Variants in SPECC1 observed in about 807,000 individuals in gnomAD.
SPECC1 encodes sperm antigen with calponin homology and coiled-coil domains 1.
A neutral mutation model predicts 104.1 loss-of-function variants in SPECC1; 62 were observed. That is an observed-to-expected ratio of 0.60 (90% CI 0.49 to 0.74). SPECC1 has a LOEUF of 0.74. Among genes scored for constraint, SPECC1 ranks in the 30% least tolerant of loss-of-function variants. SPECC1 has a pLI of 0.00. For missense variants in SPECC1, 1,306 were observed against 1,310.5 expected (o/e 1.00, Z 0.05); for synonymous variants, 513 against 501.6 (o/e 1.02, Z -0.30).
At chr17:20,114,872 T>C (rs2152528460) in intron 3 of SPECC1, among the ~76,000 whole-genome samples, 1 of 152,342 alleles carries the variant, frequency 6.6e-6, no homozygotes, top group East Asian at 1.9e-4. Context: ...TTTCTTTGCT[T>C]TATTATTTTT....
At chr17:20,089,039 C>A (rs2047295340) in intron 1 of SPECC1, among the ~76,000 whole-genome samples, 1 of 152,190 alleles carries the variant, frequency 6.6e-6, no homozygotes, top group Non-Finnish European at 1.5e-5. Context: ...AATGAGTTTG[C>A]CTTGTTTATA....
intron 1 of SPECC1, among the ~76,000 whole-genome samples, chr17:20,019,379 G>A (rs1041130930): frequency 3.3e-5 from 5 of 152,010 alleles, no homozygotes; most frequent in African/African-American, 1.2e-4. Flanking sequence ...CCAGTCAGAT[G>A]GTCATGAATT....
rs759195244 is a variant in SPECC1, at chr17:20,204,542, G to A, written c.493G>A (p.Ala165Thr). 5 of 1,614,174 alleles carry A rather than the reference G, an allele frequency of 3.1e-6. No homozygotes were observed. The highest frequency in any genetic ancestry group is 4.2e-6 in the Non-Finnish European group (5 of 1,180,040). Residue 165 changes from alanine to threonine, a missense_variant, in exon 4 of 15, where the codon GCG (alanine) becomes ACG (threonine). Transcript: ENST00000395527. ...AGAGAATGAAGGTGGAGAAAAGGCT[G>A]CGCTTGAGTCCCAAGTTCGGGAACT... ...KQENEGGEKA[A>T]LESQVRELLA...
intron 1 of SPECC1, among the ~76,000 whole-genome samples, chr17:20,038,168 T>A (rs1391469535): frequency 3.3e-5 from 5 of 152,068 alleles, no homozygotes; most frequent in Admixed American, 3.3e-4. Context: ...GAAGAATCAG[T>A]ACTTTGTTTC....
chr17:20,025,546 C>G (rs113640983), intron 1 of SPECC1, among the ~76,000 whole-genome samples: 367 of 152,290 alleles, frequency 2.4e-3, no homozygotes, highest in African/African-American at 7.8e-3. Context: ...CTGGATGTCA[C>G]TCCTTGTATG....
intron 7 of SPECC1, among the ~76,000 whole-genome samples, chr17:20,233,581 C>A (rs1008362839): frequency 6.6e-6 from 1 of 152,054 alleles, no homozygotes; most frequent in Non-Finnish European, 1.5e-5. Context: ...ACTATGTTGC[C>A]CAGGCTGGAC....
rs1235964023 is a variant in SPECC1 at position 20,038,276 on chromosome 17, T to C, written c.-22+28852T>C. ...TTTGGGTTTATTTTGCTCTTCATCT[T>C]CTGTGTTCTTGAGATGGGAGTGGAG... is the stretch of plus-strand genomic sequence containing the variant. On this transcript the variant is annotated intron_variant, in intron 1 of 14. Coordinates refer to ENST00000395527, the MANE Select transcript of SPECC1 (RefSeq NM_001243439.2). Among the ~76,000 whole-genome samples the C allele has an allele frequency of 1.4e-5, 2 of 147,914 alleles. 1 individual carries two copies. The highest frequency in any genetic ancestry group is 3.0e-5 in the Non-Finnish European group (2 of 66,852).
chr17:20,065,494 A>T (rs1446204361), intron 1 of SPECC1, among the ~76,000 whole-genome samples: 1 of 152,238 alleles, frequency 6.6e-6, no homozygotes, highest in Admixed American at 6.5e-5. Flanking sequence ...AAGGATACAG[A>T]TGAAGAGAAG....
At chr17:20,112,206 A>G in intron 3 of SPECC1, 1 of 764,166 alleles carries the variant, frequency 1.3e-6, no homozygotes, top group East Asian at 2.5e-5. Context: ...TCTGGGAAAT[A>G]AGCAAGATCA....
At chr17:20,203,401 G>C (rs144208704) in intron 3 of SPECC1, among the ~76,000 whole-genome samples, 137 of 152,078 alleles carry the variant, frequency 9.0e-4, no homozygotes, top group Admixed American at 2.6e-3. Context: ...TTTTTACATT[G>C]TCTGTGATAT....
At chr17:20,282,464 A>G (rs2040806391) in intron 12 of SPECC1, among the ~76,000 whole-genome samples, 1 of 152,222 alleles carries the variant, frequency 6.6e-6, no homozygotes, top group African/African-American at 2.4e-5. Flanking sequence ...AATTATTCCA[A>G]ATTAGTCTCT....
At chr17:20,098,192 C>A (rs1176111309) in intron 2 of SPECC1, among the ~76,000 whole-genome samples, 2 of 152,148 alleles carry the variant, frequency 1.3e-5, no homozygotes, top group Non-Finnish European at 2.9e-5. Flanking sequence ...CTCACCATCC[C>A]CTAACCTGCT....
intron 1 of SPECC1, among the ~76,000 whole-genome samples, chr17:20,022,041 A>G (rs1358482361): frequency 6.6e-6 from 1 of 151,878 alleles, no homozygotes; most frequent in Admixed American, 6.6e-5. Flanking sequence ...TCCTGGGTTC[A>G]TGCCATTCTC....
intron 12 of SPECC1, among the ~76,000 whole-genome samples, chr17:20,280,785 T>C (rs1038657892): frequency 5.9e-5 from 9 of 152,216 alleles, no homozygotes; most frequent in African/African-American, 1.2e-4. Flanking sequence ...TATAGACAGA[T>C]GGATGTTAAA....
At chr17:20,101,852 C>A (rs2047960244) in intron 2 of SPECC1, among the ~76,000 whole-genome samples, 1 of 152,204 alleles carries the variant, frequency 6.6e-6, no homozygotes, top group Non-Finnish European at 1.5e-5. Context: ...AACATGTTAT[C>A]CACCAGTAAC....
chr17:20,207,025 C>T (rs1295543513), intron 4 of SPECC1, among the ~76,000 whole-genome samples: 1 of 152,144 alleles, frequency 6.6e-6, no homozygotes, highest in Non-Finnish European at 1.5e-5. Flanking sequence ...TTATGATATT[C>T]TGCCCACCTC....
At chr17:20,266,619 T>C (rs938638290) in intron 12 of SPECC1, among the ~76,000 whole-genome samples, 2 of 152,164 alleles carry the variant, frequency 1.3e-5, no homozygotes, top group African/African-American at 4.8e-5. Context: ...TCCTGGGGAT[T>C]CCACAGTGAA....
chr17:20,287,160 G>A (rs936801675), intron 12 of SPECC1, among the ~76,000 whole-genome samples: 5 of 152,222 alleles, frequency 3.3e-5, no homozygotes, highest in African/African-American at 9.6e-5. Flanking sequence ...GCTCACGCCT[G>A]TAATCCCAGC....
intron 3 of SPECC1, among the ~76,000 whole-genome samples, chr17:20,199,780 T>C (rs1161490803): frequency 6.6e-6 from 1 of 151,262 alleles, no homozygotes; most frequent in Non-Finnish European, 1.5e-5. Context: ...ATACTTGTTA[T>C]CTTGTGTCTT....
Sources: allele counts gnomAD v4.1 joint callset (sites outside exome capture counted in the v4.1 genomes callset), GRCh38; gene constraint gnomAD v4.1.1; transcripts MANE v1.5; gene names NCBI Gene and HGNC (gene_info 2026-07-23, HGNC 2026-07-21).